Variants in NT5C3A observed in about 807,000 individuals in gnomAD.
The protein encoded by NT5C3A is 5'-nucleotidase, cytosolic IIIA.
Under a neutral mutation model 40.0 loss-of-function variants are expected in NT5C3A, and 23 were observed. The observed-to-expected ratio is 0.58, with a 90% CI of 0.41 to 0.81. The LOEUF (loss-of-function observed/expected upper bound fraction) is 0.81, where lower values mean the gene tolerates loss of function less well. Among genes scored for constraint, NT5C3A ranks in the 40% least tolerant of loss-of-function variants. The pLI is 0.00. For synonymous variants in NT5C3A, 130 were observed against 141.4 expected (o/e 0.92, Z 0.57); for missense variants, 328 against 403.0 (o/e 0.81, Z 1.59).
intron 1 of NT5C3A, among the ~76,000 whole-genome samples, chr7:33,057,886 G>A (rs1399176955): frequency 6.6e-6 from 1 of 152,110 alleles, no homozygotes; most frequent in African/African-American, 2.4e-5. Context: ...TCCCTTCCTC[G>A]TTGGTTTTTA....
chr7:33,045,327 A>G (rs113006094), intron 1 of NT5C3A, among the ~76,000 whole-genome samples: 35 of 152,362 alleles, frequency 2.3e-4, no homozygotes, highest in African/African-American at 8.4e-4. Context: ...CTTCAATATT[A>G]TGACTATTCA....
intron 8 of NT5C3A, 86 bp downstream of exon 8, chr7:33,015,584 C>G (rs1785276472): frequency 1.2e-6 from 1 of 858,504 alleles, no homozygotes; most frequent in Non-Finnish European, 1.9e-6. Flanking sequence ...AAAATAACTA[C>G]TTTCTCAGGT....
chr7:33,017,811 C>T (rs933728244), intron 6 of NT5C3A, among the ~76,000 whole-genome samples: 1 of 152,184 alleles, frequency 6.6e-6, no homozygotes, highest in Admixed American at 6.5e-5. Flanking sequence ...TTAATCAATT[C>T]TAATACTACA....
At chr7:33,021,736 C>G (rs1056585382) in intron 4 of NT5C3A, 6 of 415,104 alleles carry the variant, frequency 1.4e-5, no homozygotes, top group Non-Finnish European at 2.2e-5. Context: ...CTTAAAGGAG[C>G]AAAACCTATA....
chr7:33,048,328 A>G (rs1469622827), intron 1 of NT5C3A, among the ~76,000 whole-genome samples: 1 of 152,052 alleles, frequency 6.6e-6, no homozygotes. Context: ...TACAGGTATG[A>G]GCCACCTTGC....
intron 1 of NT5C3A, among the ~76,000 whole-genome samples, chr7:33,037,908 G>A (rs1045287763): frequency 6.6e-6 from 1 of 152,126 alleles, no homozygotes; most frequent in Non-Finnish European, 1.5e-5. Context: ...GGGATTAGTA[G>A]TCTTTAGCTT....
rs35769309 is a variant in NT5C3A, at chr7:33,035,189, G to GTTT, written c.139-8277_139-8275dup. ...GGCTATAGAAGCTAATAAGGAATGAGTTTTTTTTTTTTTTTTTTTTTTGAG... is the reference window on the plus strand; with the variant it reads ...GGCTATAGAAGCTAATAAGGAATGAGTTTTTTTTTTTTTTTTTTTTTTTTTGAG... On this transcript the variant is annotated intron_variant, in intron 1 of 8. Transcript: ENST00000610140. Among the ~76,000 whole-genome samples the GTTT allele has an allele frequency of 7.5e-3, 796 of 105,992 alleles. 6 individuals are homozygous for GTTT. Among genetic ancestry groups the GTTT allele is most frequent in the Non-Finnish European group, 9.8e-3 (552 of 56,244 alleles). The allele number at this position is 105,992 out of a possible 152,430, so 69.5% of individuals were successfully genotyped here. A position where few individuals can be genotyped will look rare whatever the true frequency, so the allele number is the denominator to read the frequency against.
At chr7:33,016,024 T>C (rs1026239358) in intron 7 of NT5C3A, 154 bp from the exon 8 acceptor site, 2 of 647,580 alleles carry the variant, frequency 3.1e-6, no homozygotes, top group Non-Finnish European at 5.5e-6. Context: ...GTCCATCACA[T>C]TCACCATAGC....
intron 8 of NT5C3A, 82 bp downstream of exon 8, chr7:33,015,588 C>T: frequency 2.3e-6 from 2 of 885,270 alleles, no homozygotes; most frequent in Non-Finnish European, 3.6e-6. Flanking sequence ...TAACTACTTT[C>T]TCAGGTGACT....
chr7:33,030,584 C>T (rs1296306831), intron 1 of NT5C3A, among the ~76,000 whole-genome samples: 1 of 152,082 alleles, frequency 6.6e-6, no homozygotes, highest in Non-Finnish European at 1.5e-5. Context: ...GGGGAGGGAG[C>T]AATGCCTTCC....
At chr7:33,024,660 TA>T (rs1031294470) in intron 2 of NT5C3A, among the ~76,000 whole-genome samples, 1 of 152,172 alleles carries the variant, frequency 6.6e-6, no homozygotes, top group African/African-American at 2.4e-5. Context: ...TAGTAAACAG[TA>T]TTTTATTGTA....
chr7:33,033,132 A>G (rs891891382), intron 1 of NT5C3A, among the ~76,000 whole-genome samples: 2 of 152,240 alleles, frequency 1.3e-5, no homozygotes, highest in African/African-American at 4.8e-5. Flanking sequence ...GAATCACTTA[A>G]GAAATTCCAG....
At chr7:33,061,475 A>C (rs1787772986) in intron 1 of NT5C3A, among the ~76,000 whole-genome samples, 1 of 152,106 alleles carries the variant, frequency 6.6e-6, no homozygotes, top group African/African-American at 2.4e-5. Flanking sequence ...TATAACCTTG[A>C]ACTCCCAGAC....
At chr7:33,026,582 C>T (rs1785947706) in intron 2 of NT5C3A, among the ~76,000 whole-genome samples, 1 of 151,932 alleles carries the variant, frequency 6.6e-6, no homozygotes, top group Admixed American at 6.6e-5. Context: ...TCTCGAACTC[C>T]TGACCTCAGC....
At chr7:33,050,725 A>G (rs1787330109) in intron 1 of NT5C3A, among the ~76,000 whole-genome samples, 1 of 152,236 alleles carries the variant, frequency 6.6e-6, no homozygotes, top group South Asian at 2.1e-4. Flanking sequence ...GAAAATGAGG[A>G]AGATAAACAA....
intron 7 of NT5C3A, 178 bp downstream of exon 7, chr7:33,017,261 G>T: frequency 1.7e-6 from 1 of 584,016 alleles, no homozygotes. Context: ...TTTAAGAAGG[G>T]CACATTGTTT....
rs118190509 is a variant in NT5C3A, at chr7:33,034,318, C to T, written c.139-7403G>A. 6.3e-3 allele frequency among the ~76,000 whole-genome samples: 955 copies of T among 152,286 alleles called. 5 individuals carry two copies. The highest frequency in any genetic ancestry group is 9.5e-3 in the Non-Finnish European group (648 of 68,014). On this transcript the variant is annotated intron_variant, in intron 1 of 8. Transcript: ENST00000610140. ...TCTGAATAACTGTGGAGTGAATACA[C>T]TGCTACTTGCCTCCACAAACACCTT... is the stretch of plus-strand genomic sequence containing the variant.
intron 1 of NT5C3A, among the ~76,000 whole-genome samples, chr7:33,038,552 C>G (rs191207398): frequency 7.5e-5 from 11 of 146,718 alleles, no homozygotes; most frequent in Admixed American, 1.4e-4. Context: ...ATGCAAATTT[C>G]AACTAAAGAT....
chr7:33,029,621 T>C (rs1334248821), intron 1 of NT5C3A: 2 of 1,277,638 alleles, frequency 1.6e-6, no homozygotes, highest in Admixed American at 2.3e-5. Flanking sequence ...GTACCCAAGA[T>C]GTCTTACCTC....
Sources: allele counts gnomAD v4.1 joint callset (sites outside exome capture counted in the v4.1 genomes callset), GRCh38; gene constraint gnomAD v4.1.1; transcripts MANE v1.5; gene names NCBI Gene and HGNC (gene_info 2026-07-23, HGNC 2026-07-21).